Variants in KDM1A observed in about 807,000 individuals in gnomAD.
The protein encoded by KDM1A is lysine-specific histone demethylase 1A.
Under a neutral mutation model 109.4 loss-of-function variants are expected in KDM1A, and 49 were observed. That is an observed-to-expected ratio of 0.45 (90% CI 0.36 to 0.57). The LOEUF is 0.57. Ranked by LOEUF, KDM1A falls within the 20% of genes least tolerant of loss-of-function variation. The pLI is 0.00. For synonymous variants in KDM1A, 380 were observed against 415.4 expected (o/e 0.91, Z 1.04); for missense variants, 668 against 1,116.6 (o/e 0.60, Z 5.73).
chr1:23,073,166 T>G, intron 14 of KDM1A, 126 bp from the exon 15 acceptor site: 4 of 574,010 alleles, frequency 7.0e-6, no homozygotes, highest in Non-Finnish European at 1.2e-5. Context: ...CTTTTTGATT[T>G]GTAATTTCTT....
intron 3 of KDM1A, among the ~76,000 whole-genome samples, chr1:23,045,018 C>G (rs1642462764): frequency 6.6e-6 from 1 of 152,130 alleles, no homozygotes; most frequent in East Asian, 1.9e-4. Context: ...CATTTTGTTT[C>G]TCATGTGAAA....
intron 2 of KDM1A, among the ~76,000 whole-genome samples, chr1:23,042,955 G>T (rs541345056): frequency 1.3e-5 from 2 of 151,122 alleles, no homozygotes; most frequent in South Asian, 4.2e-4. Context: ...CACCAAGTTG[G>T]CTAGGCTGGT....
At chr1:23,062,570 T>G (rs545360387) in intron 9 of KDM1A, among the ~76,000 whole-genome samples, 2 of 152,184 alleles carry the variant, frequency 1.3e-5, no homozygotes, top group Non-Finnish European at 2.9e-5. Flanking sequence ...ACCCAGACAT[T>G]TTGCTGCTGT....
At chr1:23,070,805 C>CT (rs1643295747) in intron 12 of KDM1A, among the ~76,000 whole-genome samples, 1 of 149,624 alleles carries the variant, frequency 6.7e-6, no homozygotes, top group Non-Finnish European at 1.5e-5. Context: ...GAGACTCTGT[C>CT]TCAAAAAAAA....
At position 23,027,031 on chromosome 1, in the gene KDM1A, C is replaced by T. The variant is rs1641826606; in HGVS notation, c.352-3438C>T. On this transcript the variant is annotated intron_variant, in intron 1 of 20. Coordinates refer to ENST00000400181, the MANE Select transcript of KDM1A (RefSeq NM_001009999.3). ...TGGTTTTAAAACTTTATTAAATGGTCACTTCTTGGCTCTGGGCAATTTTAA... is the reference window on the plus strand; with the variant it reads ...TGGTTTTAAAACTTTATTAAATGGTTACTTCTTGGCTCTGGGCAATTTTAA... Among the ~76,000 whole-genome samples, 5 of 151,578 alleles carry T rather than the reference C, an allele frequency of 3.3e-5. No individual in the cohort carries two copies. The South Asian group carries it at 1.0e-3, about 32-fold the overall frequency.
chr1:23,059,316 C>T lies in KDM1A; in HGVS notation c.1167+149C>T, dbSNP rs1459732660. ...AGGGTAGAGATGATGTGATGTTATT[C>T]TGGTTGTTTCTTAACTCTTGAGCTA... On this transcript the variant is annotated intron_variant, in intron 9 of 20. Transcript: ENST00000400181. 9.6e-6 allele frequency: 7 copies of T among 728,670 alleles called. 2 individuals carry two copies. The Admixed American group carries it at 1.1e-4, about 11-fold the overall frequency. The allele number at this position is 728,670 out of a possible 1,614,324, so 45.1% of individuals were successfully genotyped here. A position where few individuals can be genotyped will look rare whatever the true frequency, so the allele number is the denominator to read the frequency against.
chr1:23,028,849 T>C (rs1390697582), intron 1 of KDM1A, among the ~76,000 whole-genome samples: 2 of 152,148 alleles, frequency 1.3e-5, no homozygotes, highest in Non-Finnish European at 2.9e-5. Context: ...GGTCACCTGA[T>C]CAGGATCATT....
intron 2 of KDM1A, among the ~76,000 whole-genome samples, chr1:23,037,102 C>T (rs1642168697): frequency 6.7e-6 from 1 of 150,068 alleles, no homozygotes; most frequent in South Asian, 2.1e-4. Context: ...CATGGTGAAA[C>T]CCCATCTCCA....
intron 9 of KDM1A, among the ~76,000 whole-genome samples, chr1:23,059,611 T>TA (rs1642941388): frequency 6.6e-6 from 1 of 152,208 alleles, no homozygotes; most frequent in South Asian, 2.1e-4. Flanking sequence ...TGGTGGTACT[T>TA]ACTCACATGC....
At chr1:23,073,469 A>G in intron 15 of KDM1A, 66 bp downstream of exon 15, 2 of 871,518 alleles carry the variant, frequency 2.3e-6, no homozygotes, top group Non-Finnish European at 3.8e-6. Flanking sequence ...AGAAATAGTT[A>G]ATTTTGTATG....
intron 2 of KDM1A, among the ~76,000 whole-genome samples, chr1:23,034,568 T>G (rs1270532753): frequency 6.6e-6 from 1 of 152,240 alleles, no homozygotes; most frequent in Non-Finnish European, 1.5e-5. Context: ...TGCATTCCTG[T>G]ATTAACTGAT....
rs535365318 is a variant in KDM1A at position 23,083,569 on chromosome 1, T to C, written c.*205T>C. The C allele has an allele frequency of 8.9e-6, 4 of 447,864 alleles. No individual in the cohort carries two copies. The highest frequency in any genetic ancestry group is 7.8e-5 in the African/African-American group (4 of 51,476). The allele number at this position is 447,864 out of a possible 1,614,324, so 27.7% of individuals were successfully genotyped here. ...GAGGAACTTGTCCATTAGTTTGGAA[T>C]TGTGTTCTTCGTAAAGACTGAGGCA... On this transcript the variant is annotated 3_prime_UTR_variant, in exon 21 of 21. Coordinates refer to ENST00000400181, the MANE Select transcript of KDM1A (RefSeq NM_001009999.3).
At chr1:23,066,247 G>A (rs1049002976) in intron 10 of KDM1A, among the ~76,000 whole-genome samples, 176 bp downstream of exon 10, 1 of 152,164 alleles carries the variant, frequency 6.6e-6, no homozygotes, top group African/African-American at 2.4e-5. Context: ...TTTTGTCATT[G>A]AAAGCACGTG....
intron 4 of KDM1A, among the ~76,000 whole-genome samples, chr1:23,050,792 ATATT>A (rs1569726246): frequency 1.3e-5 from 2 of 152,240 alleles, no homozygotes; most frequent in African/African-American, 4.8e-5. Context: ...CACATTAAGA[ATATT>A]TATTTAGGCT....
rs751093595 is a variant in KDM1A, at chr1:23,055,154, C to G, written c.876C>G (p.Pro292=). ...INFGIYKRIK[P]LPTKKTGKVI... is the part of the protein sequence containing the mutation. ...TCGGCATCTATAAGAGGATAAAACC[C>G]CTACCAAGTAAGGACCTCCTACCTG... is the stretch of plus-strand genomic sequence containing the variant. The change falls in exon 6 of 21, where the codon CCC becomes CCG. Residue 292 remains proline (P), a synonymous_variant. Coordinates refer to ENST00000400181, the MANE Select transcript of KDM1A (RefSeq NM_001009999.3). The G allele has an allele frequency of 6.2e-7, 1 of 1,600,628 alleles. No individual in the cohort carries two copies. The highest frequency in any genetic ancestry group is 1.7e-5 in the Admixed American group (1 of 57,788).
intron 2 of KDM1A, among the ~76,000 whole-genome samples, chr1:23,034,305 A>G (rs1052402747): frequency 6.6e-6 from 1 of 152,170 alleles, no homozygotes; most frequent in African/African-American, 2.4e-5. Flanking sequence ...TTCTGTGAAG[A>G]TGAAAGTTTT....
At chr1:23,069,173 A>G (rs1643236239) in intron 12 of KDM1A, 22 bp downstream of exon 12, 1 of 1,442,296 alleles carries the variant, frequency 6.9e-7, no homozygotes, top group African/African-American at 1.4e-5. Context: ...TATTTTCTTC[A>G]TAGCTGAAGA....
intron 4 of KDM1A, among the ~76,000 whole-genome samples, chr1:23,051,118 AAATAAT>A (rs961391811): frequency 2.0e-5 from 3 of 152,282 alleles, no homozygotes; most frequent in East Asian, 3.9e-4. Context: ...AAGCATTAAA[AAATAAT>A]AATAATAATC....
At chr1:23,064,768 G>A (rs1244979415) in intron 9 of KDM1A, among the ~76,000 whole-genome samples, 2 of 152,288 alleles carry the variant, frequency 1.3e-5, no homozygotes, top group East Asian at 3.9e-4. Context: ...TTTAGAGACA[G>A]TCCATATAAT....
Sources: gnomAD v4.1 joint callset for allele counts (sites outside exome capture counted in the v4.1 genomes callset) on GRCh38, gnomAD v4.1.1 for gene constraint, MANE v1.5 for transcripts, NCBI Gene and HGNC (gene_info 2026-07-23, HGNC 2026-07-21) for gene names.